Variants in ASIC2 observed in about 807,000 individuals in gnomAD.
ASIC2 encodes the protein acid-sensing ion channel 2.
A neutral mutation model predicts 57.3 loss-of-function variants in ASIC2; 25 were observed. The ratio of observed to expected loss-of-function variants is 0.44; its 90% CI spans 0.32 to 0.61. The LOEUF is 0.61. ASIC2 is among the 20% of genes least tolerant of loss of function. The pLI is 0.06. For synonymous variants in ASIC2, 319 were observed against 307.5 expected (o/e 1.04, Z -0.39); for missense variants, 641 against 738.1 (o/e 0.87, Z 1.52).
intron 1 of ASIC2, among the ~76,000 whole-genome samples, chr17:33,378,510 G>C (rs559885994): frequency 1.6e-4 from 25 of 152,296 alleles, no homozygotes; most frequent in Non-Finnish European, 2.6e-4. Context: ...CCTTCCTGCT[G>C]GCTCCATTCT....
At chr17:33,193,244 C>T (rs72819136) in intron 1 of ASIC2, among the ~76,000 whole-genome samples, 36,083 of 151,900 alleles carry the variant, frequency 0.24, 5,757 homozygotes, top group African/African-American at 0.43. Context: ...AGGATGAATC[C>T]AGAGATTAGG....
chr17:33,398,182 C>T (rs571633944), intron 1 of ASIC2, among the ~76,000 whole-genome samples: 6 of 152,252 alleles, frequency 3.9e-5, no homozygotes, highest in Admixed American at 3.9e-4. Flanking sequence ...TATTGTTTAT[C>T]TTCCCCTTCT....
intron 3 of ASIC2, among the ~76,000 whole-genome samples, chr17:33,069,706 TA>T (rs1047343739): frequency 2.0e-5 from 3 of 152,082 alleles, no homozygotes; most frequent in South Asian, 2.1e-4. Context: ...TTCCATCCTT[TA>T]AAAAAAACTA....
At chr17:33,159,541 A>G (rs1411306784) in intron 1 of ASIC2, among the ~76,000 whole-genome samples, 1 of 152,082 alleles carries the variant, frequency 6.6e-6, no homozygotes, top group Non-Finnish European at 1.5e-5. Flanking sequence ...CGGTCGCTAA[A>G]ATCTAGTCCT....
rs146864939 is a variant in ASIC2 at position 34,013,413 on chromosome 17, C to T, written c.555+142565G>A. Among the ~76,000 whole-genome samples the T allele has an allele frequency of 2.0e-4, 31 of 152,332 alleles. No homozygotes were observed. In the South Asian group the frequency reaches 4.4e-3, roughly 21 times the overall value. Reference sequence around the variant, plus strand: ...CTGGGGCAGCTCCTACAGTTCCTAACGGTCCCCTTTGCAATTTGCCATACA... The same window carrying T: ...CTGGGGCAGCTCCTACAGTTCCTAATGGTCCCCTTTGCAATTTGCCATACA... On this transcript the variant is annotated intron_variant, in intron 1 of 9. Transcript: ENST00000359872.
intron 1 of ASIC2, among the ~76,000 whole-genome samples, chr17:33,130,602 C>T (rs577259204): frequency 6.6e-6 from 1 of 152,142 alleles, no homozygotes; most frequent in Non-Finnish European, 1.5e-5. Context: ...AACTCCCCAA[C>T]CCCCCAAGAG....
At chr17:33,852,014 C>G (rs1021524107) in intron 1 of ASIC2, among the ~76,000 whole-genome samples, 5 of 152,242 alleles carry the variant, frequency 3.3e-5, no homozygotes, top group Admixed American at 3.3e-4. Context: ...AGGGACCATT[C>G]CGTTCAGGCT....
At chr17:34,105,141 T>G (rs888969460) in intron 1 of ASIC2, among the ~76,000 whole-genome samples, 10 of 152,098 alleles carry the variant, frequency 6.6e-5, no homozygotes, top group African/African-American at 2.4e-4. Context: ...TCAGAATTTC[T>G]ATATCATCTT....
intron 1 of ASIC2, among the ~76,000 whole-genome samples, chr17:33,356,500 G>T (rs1409722420): frequency 6.6e-6 from 1 of 152,202 alleles, no homozygotes. Context: ...CTGATGATGT[G>T]GGTGCAATCT....
At chr17:33,127,003 G>A (rs1221484881) in intron 1 of ASIC2, among the ~76,000 whole-genome samples, 2 of 150,314 alleles carry the variant, frequency 1.3e-5, no homozygotes, top group Non-Finnish European at 3.0e-5. Flanking sequence ...GAGTAGCTGG[G>A]ACTACAGGCG....
chr17:33,844,813 C>T (rs972700848), intron 1 of ASIC2, among the ~76,000 whole-genome samples: 31 of 152,282 alleles, frequency 2.0e-4, no homozygotes, highest in East Asian at 1.2e-3. Context: ...TTATTGAATA[C>T]TTACTATGTG....
rs549776413 is a variant in ASIC2 at position 33,597,077 on chromosome 17, ACAGGCTGG to A, written c.556-485018_556-485011del. Among the ~76,000 whole-genome samples the A allele has an allele frequency of 4.9e-3, 752 of 152,280 alleles. 3 individuals are homozygous for A. The highest frequency in any genetic ancestry group is 7.1e-3 in the Non-Finnish European group (480 of 68,024). The stretch of plus-strand genomic sequence containing the variant: ...GATCAACACAGCCAAAGGCTTCATG[ACAGGCTGG>A]CAGGCTGGCAGGCTGGCAGAGAAGC... On this transcript the variant is annotated intron_variant, in intron 1 of 9. Transcript: ENST00000359872.
At chr17:33,359,410 G>A (rs916035287) in intron 1 of ASIC2, among the ~76,000 whole-genome samples, 1 of 152,174 alleles carries the variant, frequency 6.6e-6, no homozygotes, top group African/African-American at 2.4e-5. Context: ...TTAGAAGAAA[G>A]AGTCAATTGA....
At chr17:33,459,832 A>G (rs1912576793) in intron 1 of ASIC2, among the ~76,000 whole-genome samples, 2 of 152,198 alleles carry the variant, frequency 1.3e-5, no homozygotes, top group East Asian at 1.9e-4. Context: ...AGCTCAGACC[A>G]CATTGTGGGG....
chr17:33,892,558 G>A (rs1436298825), intron 1 of ASIC2, among the ~76,000 whole-genome samples: 2 of 152,168 alleles, frequency 1.3e-5, no homozygotes, highest in South Asian at 2.1e-4. Flanking sequence ...CAACCACTTC[G>A]TGCCTTCCAT....
chr17:33,855,494 T>C (rs1913898469), intron 1 of ASIC2, among the ~76,000 whole-genome samples: 1 of 152,242 alleles, frequency 6.6e-6, no homozygotes, highest in Non-Finnish European at 1.5e-5. Context: ...AAAATGACTA[T>C]AATTTTACAC....
chr17:33,374,066 G>T (rs888846358), intron 1 of ASIC2, among the ~76,000 whole-genome samples: 2 of 152,066 alleles, frequency 1.3e-5, no homozygotes, highest in African/African-American at 2.4e-5. Context: ...CATGATCTTG[G>T]CTCGCTGCAA....
chr17:33,625,219 C>T (rs1905946596), intron 1 of ASIC2, among the ~76,000 whole-genome samples: 1 of 152,018 alleles, frequency 6.6e-6, no homozygotes, highest in African/African-American at 2.4e-5. Context: ...ATCTATCTAT[C>T]TATCTGTCTA....
intron 1 of ASIC2, among the ~76,000 whole-genome samples, chr17:33,938,146 A>T (rs1427467908): frequency 6.6e-6 from 1 of 152,106 alleles, no homozygotes. Flanking sequence ...ACTGAATCTT[A>T]TATTTTCCTC....
Sources: gnomAD v4.1 joint callset for allele counts (sites outside exome capture counted in the v4.1 genomes callset) on GRCh38, gnomAD v4.1.1 for gene constraint, MANE v1.5 for transcripts, NCBI Gene and HGNC (gene_info 2026-07-23, HGNC 2026-07-21) for gene names.